The following NFAT5 variants were observed in gnomAD, a reference collection of about 807,000 sequenced individuals.
NFAT5 encodes the protein nuclear factor of activated T cells 5.
Under a neutral mutation model 166.5 loss-of-function variants are expected in NFAT5, and 31 were observed. The observed-to-expected ratio is 0.19, with a 90% CI of 0.14 to 0.25. NFAT5 has a LOEUF of 0.25. Among genes scored for constraint, NFAT5 ranks in the 10% least tolerant of loss-of-function variants. The probability of loss-of-function intolerance (pLI) is 1.00; values close to 1 mark genes in which losing one functional copy is unlikely to be tolerated. For synonymous variants in NFAT5, 612 were observed against 639.7 expected, an observed-to-expected ratio of 0.96 and a Z score of 0.65; for missense variants, 1,449 against 1,821.8, an observed-to-expected ratio of 0.80 and a Z score of 3.72.
intron 5 of NFAT5, among the ~76,000 whole-genome samples, chr16:69,655,029 G>A (rs1035804133): frequency 6.6e-6 from 1 of 152,126 alleles, no homozygotes; most frequent in Non-Finnish European, 1.5e-5. Flanking sequence ...CTAGAGACCT[G>A]TAATGATCCA....
At chr16:69,615,182 C>T (rs1228818957) in intron 2 of NFAT5, among the ~76,000 whole-genome samples, 1 of 152,000 alleles carries the variant, frequency 6.6e-6, no homozygotes, top group East Asian at 1.9e-4. Context: ...GCTGGGATTA[C>T]AGGCACGTGC....
chr16:69,678,783 T>C (rs779148087), intron 10 of NFAT5, among the ~76,000 whole-genome samples: 5 of 152,180 alleles, frequency 3.3e-5, no homozygotes, highest in East Asian at 1.9e-4. Context: ...TATTTCCATA[T>C]AGTTCAAGAT....
chr16:69,584,929 C>G (rs2031945701), intron 2 of NFAT5, among the ~76,000 whole-genome samples: 2 of 151,896 alleles, frequency 1.3e-5, no homozygotes, highest in Non-Finnish European at 1.5e-5. Flanking sequence ...TATATATATT[C>G]ACAAATATAA....
chr16:69,685,026 T>C, intron 11 of NFAT5, 56 bp downstream of exon 11: 1 of 1,134,706 alleles, frequency 8.8e-7, no homozygotes, highest in East Asian at 2.4e-5. Flanking sequence ...ATGTTTTCTC[T>C]AGCACACCTT....
chr16:69,595,557 C>G (rs2032743553), intron 2 of NFAT5, among the ~76,000 whole-genome samples: 1 of 152,206 alleles, frequency 6.6e-6, no homozygotes, highest in Non-Finnish European at 1.5e-5. Context: ...TTATCTTGCT[C>G]TGGCTGTAAC....
intron 2 of NFAT5, among the ~76,000 whole-genome samples, chr16:69,588,727 T>C (rs1302522658): frequency 2.0e-5 from 3 of 152,144 alleles, no homozygotes; most frequent in Admixed American, 1.3e-4. Flanking sequence ...ATTTTATGAG[T>C]AAAATGAAAC....
At chr16:69,684,362 C>T (rs888926334) in intron 10 of NFAT5, among the ~76,000 whole-genome samples, 1 of 151,240 alleles carries the variant, frequency 6.6e-6, no homozygotes, top group Non-Finnish European at 1.5e-5. Flanking sequence ...AGTTCAAGAC[C>T]AGCCTGGCCA....
chr16:69,620,730 A>C (rs1332855325), intron 2 of NFAT5, among the ~76,000 whole-genome samples: 1 of 152,240 alleles, frequency 6.6e-6, no homozygotes, highest in Admixed American at 6.5e-5. Flanking sequence ...GAGTGAGTAC[A>C]TGTAAGTTTA....
rs970591749 is a variant in NFAT5 at position 69,653,555 on chromosome 16, C to T, written c.1005+127C>T. ...TCATATTTGATATTTGAATTAGATT[C>T]ATCCCAAACTTTAGAAAGAATTTTT... On this transcript the variant is annotated intron_variant, in intron 5 of 14. Transcript: ENST00000349945. The T allele has an allele frequency of 7.2e-6, 4 of 558,626 alleles. No homozygotes were observed. The South Asian group carries it at 1.4e-4, about 19-fold the overall frequency. The allele number at this position is 558,626 out of a possible 1,614,324, so 34.6% of individuals were successfully genotyped here. A position where few individuals can be genotyped will look rare whatever the true frequency, so the allele number is the denominator to read the frequency against.
chr16:69,673,214 A>T (rs2036695280), intron 9 of NFAT5, among the ~76,000 whole-genome samples: 1 of 152,210 alleles, frequency 6.6e-6, no homozygotes, highest in Non-Finnish European at 1.5e-5. Context: ...GCAAGCAAGT[A>T]TGTAAACAAA....
At chr16:69,651,666 C>A (rs1435836064) in intron 4 of NFAT5, among the ~76,000 whole-genome samples, 2 of 137,950 alleles carry the variant, frequency 1.4e-5, no homozygotes, top group Admixed American at 7.7e-5. Flanking sequence ...TAAAAACATA[C>A]GTGAATTTTT....
intron 2 of NFAT5, among the ~76,000 whole-genome samples, chr16:69,612,416 T>G (rs1420436333): frequency 7.1e-6 from 1 of 140,998 alleles, no homozygotes; most frequent in Non-Finnish European, 1.5e-5. Context: ...TTATTCAACT[T>G]TTAAAAACTT....
rs1164427618 is a variant in NFAT5, at chr16:69,702,371, A to G, written c.*6020A>G. The G allele has an allele frequency of 6.6e-6, 1 of 152,468 alleles. No homozygotes were observed. Among genetic ancestry groups the G allele is most frequent in the Admixed American group, 6.5e-5 (1 of 15,290 alleles). The allele number at this position is 152,468 out of a possible 1,614,324, so 9.4% of individuals were successfully genotyped here. Reference sequence around the variant, plus strand: ...TTATAAGGGGAAATAATTATGCTTTAGCACATCATTTTAGAAACGTCACAT... The same window carrying G: ...TTATAAGGGGAAATAATTATGCTTTGGCACATCATTTTAGAAACGTCACAT... On this transcript the variant is annotated 3_prime_UTR_variant, in exon 15 of 15. Coordinates refer to ENST00000349945, the MANE Select transcript of NFAT5 (RefSeq NM_138713.4).
chr16:69,624,731 A>G (rs2034369737), intron 2 of NFAT5, among the ~76,000 whole-genome samples: 1 of 152,104 alleles, frequency 6.6e-6, no homozygotes, highest in Admixed American at 6.5e-5. Flanking sequence ...CATGGATAAA[A>G]TGTCTTATGG....
chr16:69,676,117 G>C (rs1208436857), intron 9 of NFAT5, among the ~76,000 whole-genome samples: 1 of 152,222 alleles, frequency 6.6e-6, no homozygotes, highest in Middle Eastern at 3.4e-3. Flanking sequence ...TCAAACTCAC[G>C]TCACCCTCAG....
chr16:69,669,650 T>C (rs1452605982), intron 7 of NFAT5, among the ~76,000 whole-genome samples: 2 of 152,188 alleles, frequency 1.3e-5, no homozygotes, highest in East Asian at 1.9e-4. Flanking sequence ...GATACTGCAA[T>C]AACACACAAT....
chr16:69,613,409 T>C lies in NFAT5; in HGVS notation c.128-12994T>C, dbSNP rs1336469990. Among the ~76,000 whole-genome samples the C allele has an allele frequency of 2.0e-5, 3 of 152,190 alleles. No individual in the cohort carries two copies. The East Asian group carries it at 5.8e-4, about 29-fold the overall frequency. On this transcript the variant is annotated intron_variant, in intron 2 of 14. Transcript: ENST00000349945. The stretch of plus-strand genomic sequence containing the variant: ...TTAAAACCCTCAAAGGCTCCCTGTG[T>C]GCTGAGGGATAAAACCCTTACTGCT...
chr16:69,648,558 C>T, intron 4 of NFAT5: 1 of 984,728 alleles, frequency 1.0e-6, no homozygotes, highest in Non-Finnish European at 1.2e-6. Context: ...CTCTGCCAGT[C>T]ACACTACCCA....
intron 2 of NFAT5, among the ~76,000 whole-genome samples, chr16:69,570,743 T>C (rs2016380281): frequency 6.6e-6 from 1 of 152,302 alleles, no homozygotes; most frequent in Admixed American, 6.5e-5. Context: ...TAGTATATCC[T>C]ATAACCTATG....
Sources: allele counts gnomAD v4.1 joint callset (sites outside exome capture counted in the v4.1 genomes callset), GRCh38; gene constraint gnomAD v4.1.1; transcripts MANE v1.5; gene names NCBI Gene and HGNC (gene_info 2026-07-23, HGNC 2026-07-21).